The following FHIP2A variants were observed in gnomAD, a reference collection of about 807,000 sequenced individuals.
The protein encoded by FHIP2A is FHF complex subunit HOOK interacting protein 2A.
A neutral mutation model predicts 93.5 loss-of-function variants in FHIP2A; 46 were observed. That is an observed-to-expected ratio of 0.49 (90% CI 0.39 to 0.63). The LOEUF (loss-of-function observed/expected upper bound fraction) is 0.63. Among genes scored for constraint, FHIP2A ranks in the 20% least tolerant of loss-of-function variants. FHIP2A has a pLI of 0.00. For synonymous variants in FHIP2A, 332 were observed against 326.5 expected, an observed-to-expected ratio of 1.02 and a Z score of -0.18; for missense variants, 769 against 909.7, an observed-to-expected ratio of 0.85 and a Z score of 1.99.
In FHIP2A at chr10:114,861,989, G is replaced by T. The variant is rs1028967174; in HGVS notation, c.*449G>T. 3.1e-6 allele frequency: 3 copies of T among 978,466 alleles called. No individual in the cohort carries two copies. Among genetic ancestry groups the T allele is most frequent in the Non-Finnish European group, 3.6e-6 (3 of 823,508 alleles). The allele number at this position is 978,466 out of a possible 1,614,324, so 60.6% of individuals were successfully genotyped here. A position where few individuals can be genotyped will look rare whatever the true frequency, so the allele number is the denominator to read the frequency against. On this transcript the variant is annotated 3_prime_UTR_variant, in exon 17 of 17. Transcript: ENST00000369248. ...AATCACTAATTTTATAACTTTTTAA[G>T]GTCAGAATTCTTATCAAACAAAATA...
At chr10:114,825,515 T>G (rs529899360) in intron 1 of FHIP2A, among the ~76,000 whole-genome samples, 1 of 152,366 alleles carries the variant, frequency 6.6e-6, no homozygotes, top group South Asian at 2.1e-4. Flanking sequence ...GACTGCATTT[T>G]GAGTATGGAA....
At position 114,862,146 on chromosome 10, in the gene FHIP2A, C is replaced by A. The variant is rs997515259; in HGVS notation, c.*606C>A. The stretch of plus-strand genomic sequence containing the variant: ...GAATAACAATTTAATATGATAAATT[C>A]TTGATTAATATAATATATCTATATT... On this transcript the variant is annotated 3_prime_UTR_variant, in exon 17 of 17. Coordinates refer to ENST00000369248, the MANE Select transcript of FHIP2A (RefSeq NM_020940.4). 1.4e-5 allele frequency: 13 copies of A among 901,436 alleles called. 1 individual carries two copies. The South Asian group carries it at 6.7e-4, about 46-fold the overall frequency. 55.8% of individuals were successfully genotyped at this position (901,436 alleles called of 1,614,324 possible).
At chr10:114,899,790 A>G (rs1476367538) in exon 17 of FHIP2A, 7 of 425,768 alleles carry the variant, frequency 1.6e-5, no homozygotes, top group East Asian at 3.5e-5. Flanking sequence ...TATAAAAAAT[A>G]CTGTTATCAA....
At chr10:114,866,267 C>G (rs1212439258), downstream of FHIP2A, among the ~76,000 whole-genome samples, 1 of 152,174 alleles carries the variant, frequency 6.6e-6, no homozygotes, top group African/African-American at 2.4e-5. Flanking sequence ...GCCTCCAGCT[C>G]TATCCATGTC....
rs569861645 is a variant in FHIP2A, at chr10:114,862,857, G to T, written c.*1317G>T. 4 of 985,386 alleles carry T rather than the reference G, an allele frequency of 4.1e-6. No homozygotes were observed. In the African/African-American group the frequency reaches 7.0e-5, roughly 17 times the overall value. The allele number at this position is 985,386 out of a possible 1,614,324, so 61.0% of individuals were successfully genotyped here. A position where few individuals can be genotyped will look rare whatever the true frequency, so the allele number is the denominator to read the frequency against. ...TATTTGGGGGAACAGGCTATCAAAG[G>T]TTCCGGCTTGAAGGGAACTGTCACT... On this transcript the variant is annotated 3_prime_UTR_variant, in exon 17 of 17. Coordinates refer to ENST00000369248, the MANE Select transcript of FHIP2A (RefSeq NM_020940.4).
At chr10:114,860,972 T>A (rs1035147053) in intron 15 of FHIP2A, 83 bp downstream of exon 15, 3 of 1,321,010 alleles carry the variant, frequency 2.3e-6, no homozygotes, top group Non-Finnish European at 3.2e-6. Flanking sequence ...GCAGTTAGTG[T>A]CACATAATGA....
chr10:114,857,040 A>G (rs1177762463), intron 14 of FHIP2A, among the ~76,000 whole-genome samples: 2 of 152,206 alleles, frequency 1.3e-5, no homozygotes, highest in South Asian at 2.1e-4. Flanking sequence ...GTAGGGCGCT[A>G]TGATTGTGCC....
intron 11 of FHIP2A, 69 bp downstream of exon 11, chr10:114,846,797 C>G: frequency 1.5e-6 from 2 of 1,359,154 alleles, no homozygotes; most frequent in Non-Finnish European, 2.0e-6. Context: ...CTCCTCTTAT[C>G]TACCTCCCTT....
rs754791989 is a variant in FHIP2A, at chr10:114,846,259, G to T, written c.1290G>T (p.Met430Ile). 3 of 1,613,982 alleles carry T rather than the reference G, an allele frequency of 1.9e-6. No homozygotes were observed. Among genetic ancestry groups the T allele is most frequent in the Non-Finnish European group, 2.5e-6 (3 of 1,180,000 alleles). ...QVTSDVLLQE[M>I]VFFILGEQRE... ...CCTCTGATGTTTTGCTTCAAGAAAT[G>T]GTGTTTTTTATCCTTGGAGAACAGA... The change falls in exon 10 of 17, where the codon ATG (methionine) becomes ATT (isoleucine). Residue 430 changes from methionine to isoleucine, a missense_variant. Physicochemically the swap from Met to Ile is conservative, Grantham distance 10. Transcript: ENST00000369248.
intron 3 of FHIP2A, among the ~76,000 whole-genome samples, chr10:114,834,940 G>T (rs1592015309): frequency 6.6e-6 from 1 of 152,174 alleles, no homozygotes; most frequent in Non-Finnish European, 1.5e-5. Context: ...ACATATGTGG[G>T]TTCCACAGGG....
At chr10:114,865,827 T>C (rs928838446), downstream of FHIP2A, among the ~76,000 whole-genome samples, 2 of 150,906 alleles carry the variant, frequency 1.3e-5, no homozygotes, top group East Asian at 1.9e-4. Context: ...AAAATAGATA[T>C]AAGCAAGCAG....
chr10:114,837,373 G>T (rs906079304), intron 5 of FHIP2A, among the ~76,000 whole-genome samples: 1 of 152,110 alleles, frequency 6.6e-6, no homozygotes, highest in African/African-American at 2.4e-5. Flanking sequence ...ACCTTAGCTG[G>T]GTGTGGTAGT....
At chr10:114,830,619 T>G (rs2083602678) in intron 1 of FHIP2A, among the ~76,000 whole-genome samples, 1 of 152,166 alleles carries the variant, frequency 6.6e-6, no homozygotes, top group African/African-American at 2.4e-5. Flanking sequence ...AAAAGCTTGA[T>G]ACTGTAGTTT....
intron 5 of FHIP2A, among the ~76,000 whole-genome samples, chr10:114,839,834 A>C (rs1481629491): frequency 6.7e-6 from 1 of 150,018 alleles, no homozygotes; most frequent in African/African-American, 2.5e-5. Flanking sequence ...GTAAGCCAAG[A>C]TCACGCCACT....
chr10:114,823,103 A>G (rs1472443508), intron 1 of FHIP2A, among the ~76,000 whole-genome samples: 1 of 152,262 alleles, frequency 6.6e-6, no homozygotes, highest in African/African-American at 2.4e-5. Flanking sequence ...CTATGTTCAT[A>G]TTATGTGATA....
intron 6 of FHIP2A, 49 bp downstream of exon 6, chr10:114,843,275 T>TTAG: frequency 9.6e-6 from 11 of 1,149,782 alleles, no homozygotes; most frequent in South Asian, 2.9e-5. Context: ...TTCAATAATG[T>TTAG]GTATTTATTT....
At chr10:114,871,615 T>TCGG (rs2143014257) in intron 16 of FHIP2A, among the ~76,000 whole-genome samples, 1 of 152,294 alleles carries the variant, frequency 6.6e-6, no homozygotes, top group Non-Finnish European at 1.5e-5. Flanking sequence ...GAAACCTCTA[T>TCGG]TACATAATTG....
At chr10:114,842,059 C>G (rs1376076046) in intron 5 of FHIP2A, among the ~76,000 whole-genome samples, 4 of 151,798 alleles carry the variant, frequency 2.6e-5, no homozygotes, top group Non-Finnish European at 4.4e-5. Context: ...CTTGGGTTCT[C>G]TTTTTTTAAA....
intron 1 of FHIP2A, among the ~76,000 whole-genome samples, chr10:114,827,032 T>A (rs912132376): frequency 6.6e-6 from 1 of 152,138 alleles, no homozygotes; most frequent in Non-Finnish European, 1.5e-5. Flanking sequence ...ATGTTGATGA[T>A]ACATGAGACA....
Sources: gnomAD v4.1 joint callset for allele counts (sites outside exome capture counted in the v4.1 genomes callset) on GRCh38, gnomAD v4.1.1 for gene constraint, MANE v1.5 for transcripts, NCBI Gene and HGNC (gene_info 2026-07-23, HGNC 2026-07-21) for gene names.